Variants in NWD2 observed in about 807,000 individuals in gnomAD.
The protein encoded by NWD2 is NACHT and WD repeat domain containing 2, also known as NACHT and WD repeat domain-containing protein 2.
In NWD2, 37 loss-of-function variants were observed where a neutral mutation model predicts 132.7. The ratio of observed to expected loss-of-function variants is 0.28; its 90% CI spans 0.21 to 0.37. NWD2 has a LOEUF of 0.37. Ranked by LOEUF, NWD2 falls within the 10% of genes least tolerant of loss-of-function variation. NWD2 has a pLI of 1.00. For synonymous variants in NWD2, 705 were observed against 803.0 expected, an observed-to-expected ratio of 0.88 and a Z score of 2.06; for missense variants, 1,592 against 2,122.4, an observed-to-expected ratio of 0.75 and a Z score of 4.91.
At chr4:37,364,918 T>G (rs565956216) in intron 3 of NWD2, among the ~76,000 whole-genome samples, 1 of 152,302 alleles carries the variant, frequency 6.6e-6, no homozygotes, top group South Asian at 2.1e-4. Flanking sequence ...CTGTGAAATC[T>G]GTTGTTATTC....
At position 37,445,807 on chromosome 4, in the gene NWD2, C is replaced by A. The variant is rs911406589; in HGVS notation, c.3819C>A (p.Ile1273=). The A allele has an allele frequency of 5.8e-6, 9 of 1,551,952 alleles. No homozygotes were observed. Among genetic ancestry groups the A allele is most frequent in the Non-Finnish European group, 7.0e-6 (8 of 1,147,042 alleles). The change falls in exon 7 of 7, where the codon ATC becomes ATA. Residue 1273 remains isoleucine (I), a synonymous_variant. Transcript: ENST00000309447. This position sits in a 1 kb window ranked among gnomAD's most constrained non-coding sequence, Gnocchi z 4.7. ...AGTGTATGGCAAGCTTGCAGGAAAT[C>A]TCAGGTTCCATTGTTAAGTTAGTGA... ...TGQCMASLQE[I]SGSIVKLVKS...
intron 1 of NWD2, among the ~76,000 whole-genome samples, chr4:37,299,650 A>T (rs930085995): frequency 2.0e-5 from 3 of 152,160 alleles, no homozygotes; most frequent in Non-Finnish European, 4.4e-5. Context: ...TGTTGGGTGC[A>T]GGGTGGAGCC....
At chr4:37,416,295 G>C (rs920077847) in intron 3 of NWD2, among the ~76,000 whole-genome samples, 1 of 151,988 alleles carries the variant, frequency 6.6e-6, no homozygotes, top group Non-Finnish European at 1.5e-5. Flanking sequence ...GTCTGAGCAT[G>C]GAACTTATAT....
At chr4:37,300,568 A>G (rs1044905391) in intron 1 of NWD2, among the ~76,000 whole-genome samples, 1 of 152,156 alleles carries the variant, frequency 6.6e-6, no homozygotes, top group Admixed American at 6.5e-5. Context: ...CCAATTTTGC[A>G]GTAACTTTAT....
intron 1 of NWD2, among the ~76,000 whole-genome samples, chr4:37,254,092 T>A (rs924430711): frequency 4.6e-5 from 7 of 152,314 alleles, no homozygotes; most frequent in Non-Finnish European, 1.0e-4. Flanking sequence ...GAAAAATAAC[T>A]AATGGGTAGT....
chr4:37,368,283 C>A (rs992420564), intron 3 of NWD2, among the ~76,000 whole-genome samples: 2 of 152,148 alleles, frequency 1.3e-5, no homozygotes, highest in Admixed American at 6.6e-5. Flanking sequence ...TAATTTTTCT[C>A]CCCTTGCACT....
intron 1 of NWD2, among the ~76,000 whole-genome samples, chr4:37,280,774 C>T (rs1334536545): frequency 6.6e-6 from 1 of 152,050 alleles, no homozygotes; most frequent in African/African-American, 2.4e-5. Context: ...TGTTACCGCC[C>T]CAGGTCCAAA....
chr4:37,442,998 A>G (rs1298456728), intron 6 of NWD2, among the ~76,000 whole-genome samples: 1 of 152,032 alleles, frequency 6.6e-6, no homozygotes, highest in Non-Finnish European at 1.5e-5. Context: ...AACACCTTGT[A>G]TCTTCTGGAA....
chr4:37,337,568 C>T (rs953332037), intron 2 of NWD2, among the ~76,000 whole-genome samples: 3 of 152,210 alleles, frequency 2.0e-5, no homozygotes, highest in African/African-American at 7.2e-5. Context: ...GCAGAGGTGT[C>T]TCCTGCAGCC....
chr4:37,361,311 C>T (rs1719977022), intron 3 of NWD2, among the ~76,000 whole-genome samples: 1 of 152,082 alleles, frequency 6.6e-6, no homozygotes, highest in Admixed American at 6.6e-5. Flanking sequence ...GGACTGCTCC[C>T]CAACTCATTC....
At chr4:37,297,487 T>C (rs878881983) in intron 1 of NWD2, among the ~76,000 whole-genome samples, 1 of 152,204 alleles carries the variant, frequency 6.6e-6, no homozygotes, top group Non-Finnish European at 1.5e-5. Context: ...ATGTATATTT[T>C]CTAAAAATAA....
At chr4:37,327,918 G>A (rs17603668) in intron 2 of NWD2, among the ~76,000 whole-genome samples, 30,523 of 151,874 alleles carry the variant, frequency 0.2, 3,157 homozygotes, top group South Asian at 0.32. Context: ...CAAACATACC[G>A]GTCTACTTCA....
At chr4:37,429,143 A>G (rs1399235276) in intron 3 of NWD2, among the ~76,000 whole-genome samples, 2 of 152,214 alleles carry the variant, frequency 1.3e-5, no homozygotes, top group African/African-American at 4.8e-5. Context: ...TTATTAAATG[A>G]CCTATGTAAA....
intron 1 of NWD2, among the ~76,000 whole-genome samples, chr4:37,251,846 A>C (rs1345462716): frequency 6.6e-6 from 1 of 152,184 alleles, no homozygotes; most frequent in East Asian, 1.9e-4. Context: ...GCATTCACTC[A>C]CTCAAGCAGT....
intron 5 of NWD2, among the ~76,000 whole-genome samples, 200 bp downstream of exon 5, chr4:37,434,220 C>A (rs995835795): frequency 6.6e-6 from 1 of 152,178 alleles, no homozygotes; most frequent in Non-Finnish European, 1.5e-5. Flanking sequence ...TAAGGCTTCT[C>A]TAGAAAATGT....
chr4:37,314,196 G>T (rs1718911893), intron 1 of NWD2, among the ~76,000 whole-genome samples: 1 of 152,132 alleles, frequency 6.6e-6, no homozygotes, highest in Non-Finnish European at 1.5e-5. Flanking sequence ...TTTACTAATA[G>T]TTTGTTAAGG....
At chr4:37,284,093 T>C (rs1416746480) in intron 1 of NWD2, among the ~76,000 whole-genome samples, 3 of 152,192 alleles carry the variant, frequency 2.0e-5, no homozygotes, top group Admixed American at 6.5e-5. Flanking sequence ...AAATACCATA[T>C]ATTGGGTGGC....
intron 1 of NWD2, among the ~76,000 whole-genome samples, chr4:37,269,182 C>T (rs1717818834): frequency 6.6e-6 from 1 of 151,822 alleles, no homozygotes; most frequent in Non-Finnish European, 1.5e-5. Context: ...GCGATGATCA[C>T]AAATAAGTGT....
chr4:37,327,474 G>A (rs1033292110), intron 2 of NWD2, among the ~76,000 whole-genome samples: 1 of 152,148 alleles, frequency 6.6e-6, no homozygotes, highest in Non-Finnish European at 1.5e-5. Flanking sequence ...GGACCACAGA[G>A]TACACCGCAG....
Sources: gnomAD v4.1 joint callset for allele counts (sites outside exome capture counted in the v4.1 genomes callset) on GRCh38, gnomAD v4.1.1 for gene constraint, Gnocchi (gnomAD v3.1) non-coding constraint, MANE v1.5 for transcripts, NCBI Gene and HGNC (gene_info 2026-07-23, HGNC 2026-07-21) for gene names.